TNC: variants seen among roughly 807,000 people sequenced by gnomAD.
The protein encoded by TNC is tenascin.
A neutral mutation model predicts 202.4 loss-of-function variants in TNC; 109 were observed. The observed-to-expected ratio is 0.54, with a 90% confidence interval of 0.46 to 0.63. The LOEUF is 0.63. Ranked by LOEUF, TNC falls within the 30% of genes least tolerant of loss-of-function variation. The pLI, the probability that TNC is intolerant of heterozygous loss-of-function variation, is 0.00. For missense variants in TNC, 2,756 were observed against 2,833.3 expected, an observed-to-expected ratio of 0.97 and a Z score of 0.62; for synonymous variants, 1,007 against 1,089.7, an observed-to-expected ratio of 0.92 and a Z score of 1.50.
In TNC at chr9:115,084,233, G is replaced by A; in HGVS notation, c.2107C>T (p.Pro703Ser). Reference sequence around the variant, plus strand: ...CACGTGGCCACCCTGGCGCTGACAGGAATGCTCTTCTTGTTCTCCAGGATG... The same window carrying A: ...CACGTGGCCACCCTGGCGCTGACAGAAATGCTCTTCTTGTTCTCCAGGATG... The part of the protein sequence containing the change: ...FAILENKKSI[P>S]VSARVATYLP... The change falls in exon 4 of 28, where the codon CCT (proline) becomes TCT (serine). Residue 703 changes from proline (P) to serine (S), a missense_variant. By Grantham distance (74) the Pro-to-Ser change is moderately conservative (BLOSUM62 -1). Coordinates refer to ENST00000350763, the MANE Select transcript of TNC (RefSeq NM_002160.4). 1.2e-6 allele frequency: 2 copies of A among 1,614,154 alleles called. No individual in the cohort carries two copies. The highest frequency in any genetic ancestry group is 1.7e-6 in the Non-Finnish European group (2 of 1,180,018).
At chr9:115,031,500 T>C in intron 23 of TNC, 53 bp downstream of exon 23, 1 of 1,447,910 alleles carries the variant, frequency 6.9e-7, no homozygotes, top group African/African-American at 1.5e-5. Flanking sequence ...AGTCAAGGGT[T>C]GATTCAGTCA....
At chr9:115,071,213 C>T (rs940252846) in intron 10 of TNC, among the ~76,000 whole-genome samples, 2 of 152,284 alleles carry the variant, frequency 1.3e-5, no homozygotes, top group Admixed American at 6.5e-5. Context: ...GGGAAAGAAG[C>T]GTCTGCTTCA....
Position 115,075,111 on chromosome 9 carries a change from T to G in TNC, c.2950+921A>C, listed in dbSNP as rs139631377. Among the ~76,000 whole-genome samples, 312 of 152,218 alleles carry G rather than the reference T, an allele frequency of 2.0e-3. 1 individual carries two copies. Among genetic ancestry groups the G allele is most frequent in the Admixed American group, 5.2e-3 (80 of 15,294 alleles). On this transcript the variant is annotated intron_variant, in intron 9 of 27. Coordinates refer to ENST00000350763, the MANE Select transcript of TNC (RefSeq NM_002160.4). ...TCCTCTTTACACACTAGCCTCCTTC[T>G]TCCTCATAGTGCCTGTGGGGAGGTA...
intron 10 of TNC, among the ~76,000 whole-genome samples, chr9:115,065,597 T>C (rs1471806326): frequency 6.6e-6 from 1 of 152,118 alleles, no homozygotes; most frequent in African/African-American, 2.4e-5. Flanking sequence ...GGGGTCTTGG[T>C]TTGAGCTGTC....
At chr9:115,097,088 C>T (rs1033295720) in intron 1 of TNC, among the ~76,000 whole-genome samples, 2 of 152,222 alleles carry the variant, frequency 1.3e-5, no homozygotes, top group African/African-American at 4.8e-5. Flanking sequence ...CTTCAGCCAT[C>T]TAAACATTTC....
chr9:115,048,566 T>TA, intron 15 of TNC, 34 bp from the exon 16 acceptor site: 1 of 1,590,842 alleles, frequency 6.3e-7, no homozygotes, highest in African/African-American at 1.3e-5. Flanking sequence ...TAACTCAGGT[T>TA]AGCAGCACTG....
intron 13 of TNC, 87 bp downstream of exon 13, chr9:115,062,830 A>G: frequency 6.9e-7 from 1 of 1,450,412 alleles, no homozygotes; most frequent in Non-Finnish European, 9.3e-7. Flanking sequence ...ACATTGGGGT[A>G]GGATTCTGCC....
At chr9:115,095,448 ATATATATATGTATATATATATG>A (rs1225242190) in intron 1 of TNC, among the ~76,000 whole-genome samples, 3 of 101,704 alleles carry the variant, frequency 2.9e-5, no homozygotes, top group African/African-American at 4.3e-5. Context: ...TGGTATGTGT[ATATATATATGTATATATATATG>A]TATATATATG....
chr9:115,092,642 T>C (rs2989514), intron 1 of TNC, among the ~76,000 whole-genome samples: 148,421 of 152,176 alleles, frequency 0.98, 72,501 homozygotes, highest in East Asian at 1. Context: ...GGCATGATCT[T>C]GACTCTCTGC....
chr9:115,068,249 T>G (rs1833101636), intron 10 of TNC, among the ~76,000 whole-genome samples: 1 of 152,248 alleles, frequency 6.6e-6, no homozygotes, highest in Admixed American at 6.5e-5. Flanking sequence ...TTCTTACAGC[T>G]GTGCACTGGA....
chr9:115,042,224 G>A lies in TNC; in HGVS notation c.5243C>T (p.Thr1748Ile), dbSNP rs762080773. ...CCCCTTTCCGAGTCTCCTACCTCCT[G>A]TAATGGGCACATAGGTAATCCGGAA... ...ESFRITYVPI[T>I]GGTPSMVTVD... Residue 1748 changes from threonine (T) to isoleucine (I), a missense_variant, in exon 18 of 28, where the codon ACA (threonine) becomes ATA (isoleucine). By Grantham distance (89) the Thr-to-Ile change is moderately conservative. This residue lies in a region of TNC where 2,559 missense variants were observed against 2,546.0 expected (regional missense o/e 1.01). Transcript: ENST00000350763. 2 of 1,613,798 alleles carry A rather than the reference G, an allele frequency of 1.2e-6. No homozygotes were observed. The highest frequency in any genetic ancestry group is 1.3e-5 in the African/African-American group (1 of 74,902).
At chr9:115,032,134 A>C (rs1006500915) in intron 22 of TNC, among the ~76,000 whole-genome samples, 5 of 151,792 alleles carry the variant, frequency 3.3e-5, no homozygotes, top group Non-Finnish European at 5.9e-5. Flanking sequence ...TTTTTTTTGG[A>C]TGAGATTAAT....
chr9:115,114,431 T>C (rs1383352240), intron 1 of TNC, among the ~76,000 whole-genome samples: 2 of 152,234 alleles, frequency 1.3e-5, no homozygotes, highest in Non-Finnish European at 2.9e-5. Flanking sequence ...TGTGCCTACT[T>C]TTCTGAGATG....
At position 115,086,474 on chromosome 9, in the gene TNC, G is replaced by C; in HGVS notation, c.1257C>G (p.Val419=). The stretch of plus-strand genomic sequence containing the variant: ...CCTCATCACACACACACTGCCCATT[G>C]ACACAGCGGCCATGGCCACTGCAGC... ...PNGCSGHGRC[V]NGQCVCDEGY... is the part of the protein sequence containing the mutation. The change falls in exon 3 of 28, where the codon GTC becomes GTG. Residue 419 remains valine, a synonymous_variant. Coordinates refer to ENST00000350763, the MANE Select transcript of TNC (RefSeq NM_002160.4). 1 of 1,612,106 alleles carries C rather than the reference G, an allele frequency of 6.2e-7. No individual in the cohort carries two copies. Among genetic ancestry groups the C allele is most frequent in the Non-Finnish European group, 8.5e-7 (1 of 1,179,508 alleles).
intron 27 of TNC, among the ~76,000 whole-genome samples, chr9:115,022,943 A>G (rs1272785161): frequency 3.9e-5 from 6 of 152,072 alleles, no homozygotes; most frequent in African/African-American, 1.2e-4. Context: ...ATTGAAAAGC[A>G]ACAGGTCCCA....
intron 12 of TNC, 110 bp from the exon 13 acceptor site, chr9:115,063,299 G>A: frequency 8.9e-7 from 1 of 1,126,796 alleles, no homozygotes; most frequent in Non-Finnish European, 1.3e-6. Flanking sequence ...GGTTAGTGTT[G>A]ATTATAGATG....
At chr9:115,090,517 T>C in intron 2 of TNC, 45 bp downstream of exon 2, 2 of 1,457,148 alleles carry the variant, frequency 1.4e-6, no homozygotes. Context: ...TCTTCATTTC[T>C]CCATGTTTGC....
Position 115,086,552 on chromosome 9 carries a change from C to G in TNC, c.1179G>C (p.Glu393Asp). Residue 393 changes from glutamate (E) to aspartate (D), a missense_variant, in exon 3 of 28, where the codon GAG becomes GAC. Coordinates refer to ENST00000350763, the MANE Select transcript of TNC (RefSeq NM_002160.4). ...CAGCTCCAGTGAAACCATCATCACA[C>G]TCACACCGCCCGTCTACACAGCGGC... Reference protein sequence around the residue: ...NRGRCVDGRCECDDGFTGADC... With the variant: ...NRGRCVDGRCDCDDGFTGADC... 6.2e-7 allele frequency: 1 copy of G among 1,613,750 alleles called. No homozygotes were observed.
At chr9:115,090,293 T>C (rs776845460) in intron 2 of TNC, among the ~76,000 whole-genome samples, 2 of 152,168 alleles carry the variant, frequency 1.3e-5, no homozygotes, top group Non-Finnish European at 2.9e-5. Context: ...TAGAAACTTA[T>C]AATTAAGGTA....
Sources: allele counts gnomAD v4.1 joint callset (sites outside exome capture counted in the v4.1 genomes callset), GRCh38; gene constraint gnomAD v4.1.1; regional missense constraint gnomAD v4.1.1; transcripts MANE v1.5; gene names NCBI Gene and HGNC (gene_info 2026-07-23, HGNC 2026-07-21).